The following DLG1 variants were observed in gnomAD, a reference collection of about 807,000 sequenced individuals.
DLG1 encodes discs large MAGUK scaffold protein 1.
Under a neutral mutation model 123.4 loss-of-function variants are expected in DLG1, and 42 were observed. The observed-to-expected ratio is 0.34, with a 90% CI of 0.27 to 0.44. DLG1 has a LOEUF of 0.44. DLG1 is among the 20% of genes least tolerant of loss of function. The pLI is 1.00. For synonymous variants in DLG1, 317 were observed against 356.2 expected, an observed-to-expected ratio of 0.89 and a Z score of 1.24; for missense variants, 942 against 1,082.6, an observed-to-expected ratio of 0.87 and a Z score of 1.82.
chr3:197,063,210 A>G (rs1737062498), intron 22 of DLG1, among the ~76,000 whole-genome samples: 1 of 151,042 alleles, frequency 6.6e-6, no homozygotes, highest in South Asian at 2.1e-4. Flanking sequence ...AAAAAGAAAT[A>G]CAGTCAGGTT....
chr3:197,297,349 T>C (rs1467280604), intron 1 of DLG1, 114 bp from the exon 2 acceptor site: 1 of 1,487,832 alleles, frequency 6.7e-7, no homozygotes. Context: ...TTCCAAAGTT[T>C]TACCAAGTCA....
intron 5 of DLG1, among the ~76,000 whole-genome samples, chr3:197,169,749 G>C (rs1290656511): frequency 1.3e-5 from 2 of 152,108 alleles, no homozygotes; most frequent in Admixed American, 6.6e-5. Context: ...ATTCACTACT[G>C]TATCTTTTTA....
At chr3:197,117,296 A>G (rs1315416063) in intron 12 of DLG1, among the ~76,000 whole-genome samples, 2 of 152,250 alleles carry the variant, frequency 1.3e-5, no homozygotes, top group African/African-American at 4.8e-5. Context: ...GAAAGCTAAC[A>G]TAGAATTACC....
chr3:197,081,778 GAC>G (rs1751305951), intron 16 of DLG1, among the ~76,000 whole-genome samples: 1 of 152,166 alleles, frequency 6.6e-6, no homozygotes, highest in Admixed American at 6.5e-5. Context: ...TGTTGTGAGA[GAC>G]AGCCTGTAAA....
chr3:197,254,992 G>C (rs2150900978), intron 4 of DLG1, among the ~76,000 whole-genome samples: 2 of 152,160 alleles, frequency 1.3e-5, no homozygotes, highest in Middle Eastern at 3.4e-3. Flanking sequence ...GAAGGTGGAG[G>C]TTGCAGTGAG....
intron 5 of DLG1, among the ~76,000 whole-genome samples, chr3:197,166,264 G>C (rs1801345410): frequency 6.6e-6 from 1 of 152,170 alleles, no homozygotes. Flanking sequence ...GATGACAGGA[G>C]ATTGCTTATA....
chr3:197,074,094 C>T (rs1208238190), intron 18 of DLG1, among the ~76,000 whole-genome samples: 1 of 152,088 alleles, frequency 6.6e-6, no homozygotes, highest in Non-Finnish European at 1.5e-5. Flanking sequence ...GGCACCTTGT[C>T]AACTGCCTTA....
chr3:197,104,965 G>A lies in DLG1; in HGVS notation c.1484C>T (p.Ala495Val). Residue 495 changes from alanine (A) to valine (V), a missense_variant, in exon 14 of 25, where the codon GCA becomes GTA. Transcript: ENST00000667157. ...GCCAGCATTTTTCAATGCAGCTGCT[G>A]CCTGCTCATGACTAGCAGCTCTGAG... Reference protein sequence around the residue: ...VDLRAASHEQAAAALKNAGQA... With the variant: ...VDLRAASHEQVAAALKNAGQA... 6.2e-7 allele frequency: 1 copy of A among 1,613,352 alleles called. No individual in the cohort carries two copies. Among genetic ancestry groups the A allele is most frequent in the Non-Finnish European group, 8.5e-7 (1 of 1,179,616 alleles).
At chr3:197,141,761 C>CA (rs1309317290) in intron 7 of DLG1, among the ~76,000 whole-genome samples, 2 of 147,242 alleles carry the variant, frequency 1.4e-5, no homozygotes, top group African/African-American at 5.1e-5. Context: ...CTCACTCTGT[C>CA]ACCCAGGCTA....
intron 3 of DLG1, among the ~76,000 whole-genome samples, chr3:197,294,679 G>T (rs79198721): frequency 3.9e-4 from 51 of 130,218 alleles, no homozygotes; most frequent in Non-Finnish European, 6.9e-4. Flanking sequence ...AAAAAAAAAA[G>T]AGAAGAAAGC....
In DLG1 at chr3:197,298,019, C is replaced by A. The variant is rs959565221; in HGVS notation, c.-32+517G>T. 1.0e-5 allele frequency: 8 copies of A among 771,320 alleles called. No individual in the cohort carries two copies. In the South Asian group the frequency reaches 1.8e-4, roughly 17 times the overall value. The allele number at this position is 771,320 out of a possible 1,614,324, so 47.8% of individuals were successfully genotyped here. A position where few individuals can be genotyped will look rare whatever the true frequency, so the allele number is the denominator to read the frequency against. On this transcript the variant is annotated intron_variant, in intron 1 of 24. Transcript: ENST00000667157. ...CGCGCCGCCTCCTCGCTCGCCGCGG[C>A]CCCCCGGCCCGCTCGCCCAGTTGCT...
chr3:197,110,630 T>C (rs1280034161), intron 13 of DLG1, among the ~76,000 whole-genome samples: 1 of 152,330 alleles, frequency 6.6e-6, no homozygotes, highest in Middle Eastern at 3.4e-3. Context: ...CAACTCCAGA[T>C]AGCAGAACTG....
At chr3:197,248,686 G>A (rs1412430626) in intron 4 of DLG1, among the ~76,000 whole-genome samples, 2 of 152,152 alleles carry the variant, frequency 1.3e-5, no homozygotes, top group African/African-American at 2.4e-5. Context: ...AACTGATCCC[G>A]ACTGACTAGA....
At chr3:197,281,823 T>C (rs1174969072) in intron 4 of DLG1, among the ~76,000 whole-genome samples, 1 of 152,188 alleles carries the variant, frequency 6.6e-6, no homozygotes, top group African/African-American at 2.4e-5. Context: ...GGATCAGATG[T>C]GCTCCGATTC....
intron 5 of DLG1, among the ~76,000 whole-genome samples, chr3:197,172,821 A>C (rs1804906682): frequency 6.6e-6 from 1 of 152,224 alleles, no homozygotes; most frequent in African/African-American, 2.4e-5. Context: ...TCTAGCAATA[A>C]TGAATTGCCT....
At chr3:197,051,049 G>C (rs1280132201) in intron 24 of DLG1, among the ~76,000 whole-genome samples, 2 of 152,096 alleles carry the variant, frequency 1.3e-5, no homozygotes, top group Non-Finnish European at 2.9e-5. Context: ...TGTTTTTGTT[G>C]TTCTAATCAA....
intron 4 of DLG1, among the ~76,000 whole-genome samples, chr3:197,255,673 C>T (rs975522879): frequency 6.6e-6 from 1 of 151,884 alleles, no homozygotes; most frequent in Non-Finnish European, 1.5e-5. Flanking sequence ...TACCAGCACG[C>T]ACAGTAACAC....
chr3:197,199,057 C>T (rs141834466), intron 4 of DLG1, among the ~76,000 whole-genome samples: 1 of 152,120 alleles, frequency 6.6e-6, no homozygotes, highest in East Asian at 1.9e-4. Context: ...TATATGAGTA[C>T]CTTCAAATTA....
At chr3:197,109,692 T>A (rs1329125107) in intron 13 of DLG1, among the ~76,000 whole-genome samples, 1 of 152,234 alleles carries the variant, frequency 6.6e-6, no homozygotes. Context: ...TTTTGAGAGA[T>A]GAACTCCTTC....
Sources: gnomAD v4.1 joint callset for allele counts (sites outside exome capture counted in the v4.1 genomes callset) on GRCh38, gnomAD v4.1.1 for gene constraint, MANE v1.5 for transcripts, NCBI Gene and HGNC (gene_info 2026-07-23, HGNC 2026-07-21) for gene names.